The following ADAMTS19 variants were observed in gnomAD, a reference collection of about 807,000 sequenced individuals.
ADAMTS19 encodes the protein A disintegrin and metalloproteinase with thrombospondin motifs 19.
ADAMTS19 carries 93 observed loss-of-function variants against 153.3 expected under a neutral mutation model. That is an observed-to-expected ratio of 0.61 (90% confidence interval 0.51 to 0.72). The LOEUF (loss-of-function observed/expected upper bound fraction) is 0.72. ADAMTS19 is among the 30% of genes least tolerant of loss of function. The pLI is 0.00. For synonymous variants in ADAMTS19, 600 were observed against 556.6 expected (o/e 1.08, Z -1.10); for missense variants, 1,482 against 1,552.1 (o/e 0.95, Z 0.76).
Position 129,461,411 on chromosome 5 carries a change from G to A in ADAMTS19, c.401G>A (p.Gly134Glu). The change falls in exon 2 of 23, where the codon GGG becomes GAG. Residue 134 changes from glycine (G) to glutamate (E), a missense_variant. This residue lies in a region of ADAMTS19 where 866 missense variants were observed against 827.7 expected (regional missense o/e 1.05). Coordinates refer to ENST00000274487, the MANE Select transcript of ADAMTS19 (RefSeq NM_133638.6). This position sits in a 1 kb window ranked among gnomAD's most constrained non-coding sequence, Gnocchi z 4.6. Reference protein sequence around the residue: ...ESQELPRGSSGAAALSPGAPA... With the variant: ...ESQELPRGSSEAAALSPGAPA... ...CAGGAGCTGCCGCGGGGATCCAGCGGGGCTGCCGCCTTGTCCCCGGGCGCC... is the reference window on the plus strand; with the variant it reads ...CAGGAGCTGCCGCGGGGATCCAGCGAGGCTGCCGCCTTGTCCCCGGGCGCC... The A allele has an allele frequency of 7.3e-7, 1 of 1,372,942 alleles. No individual in the cohort carries two copies. Among genetic ancestry groups the A allele is most frequent in the Non-Finnish European group, 9.3e-7 (1 of 1,075,900 alleles). The allele number at this position is 1,372,942 out of a possible 1,614,324, so 85.0% of individuals were successfully genotyped here.
intron 6 of ADAMTS19, among the ~76,000 whole-genome samples, chr5:129,547,836 A>T (rs1292750681): frequency 2.7e-5 from 4 of 150,818 alleles, no homozygotes; most frequent in Non-Finnish European, 5.9e-5. Context: ...CATACAGATC[A>T]ATGGAACAGA....
At chr5:129,632,101 C>A (rs1479491232) in intron 10 of ADAMTS19, among the ~76,000 whole-genome samples, 2 of 152,018 alleles carry the variant, frequency 1.3e-5, no homozygotes, top group East Asian at 3.9e-4. Flanking sequence ...GCCTCTGTTG[C>A]AACTCAAATC....
intron 7 of ADAMTS19, among the ~76,000 whole-genome samples, chr5:129,580,584 C>G (rs754772963): frequency 1.3e-5 from 2 of 152,090 alleles, no homozygotes; most frequent in African/African-American, 4.8e-5. Context: ...ACAAATAGCT[C>G]TTATTAATTT....
chr5:129,697,371 T>C (rs1755608603), intron 19 of ADAMTS19, among the ~76,000 whole-genome samples: 1 of 152,210 alleles, frequency 6.6e-6, no homozygotes, highest in African/African-American at 2.4e-5. Flanking sequence ...CTTAAAATTC[T>C]ATTTTTGGTT....
chr5:129,471,513 C>CTAAATAAATGAA (rs1483568408), intron 2 of ADAMTS19, among the ~76,000 whole-genome samples: 1 of 149,670 alleles, frequency 6.7e-6, no homozygotes, highest in Admixed American at 6.6e-5. Flanking sequence ...GACTCTGTCT[C>CTAAATAAATGAA]TAAATAAATG....
chr5:129,520,762 A>C (rs552748734), intron 3 of ADAMTS19, among the ~76,000 whole-genome samples: 1 of 152,236 alleles, frequency 6.6e-6, no homozygotes, highest in African/African-American at 2.4e-5. Context: ...ATGAGTCTGA[A>C]GTTGTAAAAT....
intron 16 of ADAMTS19, among the ~76,000 whole-genome samples, chr5:129,669,714 T>A (rs1365546979): frequency 6.6e-6 from 1 of 152,104 alleles, no homozygotes; most frequent in Non-Finnish European, 1.5e-5. Context: ...TTTATAGGTA[T>A]ACATTTTCTC....
At chr5:129,653,079 C>T (rs776310605) in intron 13 of ADAMTS19, among the ~76,000 whole-genome samples, 6 of 152,188 alleles carry the variant, frequency 3.9e-5, no homozygotes, top group Non-Finnish European at 7.3e-5. Flanking sequence ...ATGTTCACTT[C>T]TGAAGGTTCA....
chr5:129,601,165 C>A (rs1050186608), intron 8 of ADAMTS19, among the ~76,000 whole-genome samples: 2 of 152,118 alleles, frequency 1.3e-5, no homozygotes, highest in African/African-American at 4.8e-5. Context: ...AGCCACCACG[C>A]CCAGCCAGGA....
chr5:129,468,717 T>C (rs1324492643), intron 2 of ADAMTS19, among the ~76,000 whole-genome samples: 1 of 152,092 alleles, frequency 6.6e-6, no homozygotes, highest in Non-Finnish European at 1.5e-5. Flanking sequence ...AGGTTGAGTG[T>C]CTTTATATTT....
chr5:129,637,300 G>A (rs1464698730), intron 10 of ADAMTS19, among the ~76,000 whole-genome samples: 1 of 152,136 alleles, frequency 6.6e-6, no homozygotes, highest in Non-Finnish European at 1.5e-5. Context: ...ATGTGCCGAA[G>A]TATATTAATT....
chr5:129,584,616 C>A (rs1269607582), intron 7 of ADAMTS19, among the ~76,000 whole-genome samples: 1 of 152,156 alleles, frequency 6.6e-6, no homozygotes, highest in African/African-American at 2.4e-5. Flanking sequence ...ATCTAGAGAG[C>A]CAGTCTGGCT....
intron 10 of ADAMTS19, among the ~76,000 whole-genome samples, chr5:129,624,354 A>G (rs1013928417): frequency 7.9e-5 from 12 of 152,198 alleles, no homozygotes; most frequent in African/African-American, 2.9e-4. Context: ...TTCACCTCTG[A>G]GTCTTTAGAC....
chr5:129,567,613 A>G (rs931241648), intron 7 of ADAMTS19, among the ~76,000 whole-genome samples: 2 of 152,142 alleles, frequency 1.3e-5, no homozygotes, highest in East Asian at 3.9e-4. Flanking sequence ...GAAAAGAGTC[A>G]GTGAACTTTA....
rs150032111 is a variant in ADAMTS19 at position 129,687,146 on chromosome 5, T to C, written c.2818+2873T>C. ...CACATTCACAACAAAAATATAGTTA[T>C]ATTTTTCTCTTTAACATAGCTCAGA... On this transcript the variant is annotated intron_variant, in intron 18 of 22. Transcript: ENST00000274487. Among the ~76,000 whole-genome samples, 525 of 152,270 alleles carry C rather than the reference T, an allele frequency of 3.4e-3. 2 individuals carry two copies. The highest frequency in any genetic ancestry group is 0.012 in the African/African-American group (478 of 41,564).
intron 2 of ADAMTS19, among the ~76,000 whole-genome samples, chr5:129,498,193 A>C (rs553208895): frequency 1.3e-5 from 2 of 152,034 alleles, no homozygotes; most frequent in Non-Finnish European, 2.9e-5. Context: ...ACCATTATTT[A>C]TTGCTTTAAT....
At chr5:129,623,816 T>A (rs1378740878) in intron 10 of ADAMTS19, among the ~76,000 whole-genome samples, 3 of 151,628 alleles carry the variant, frequency 2.0e-5, no homozygotes, top group African/African-American at 7.3e-5. Context: ...CTGCATCAGA[T>A]GTGATGTGTA....
intron 6 of ADAMTS19, among the ~76,000 whole-genome samples, chr5:129,546,603 C>G (rs1752869842): frequency 6.6e-6 from 1 of 150,510 alleles, no homozygotes; most frequent in South Asian, 2.1e-4. Flanking sequence ...TGTTGAGAGT[C>G]AATAAAGTTG....
In ADAMTS19 at chr5:129,527,831, A is replaced by G; in HGVS notation, c.1170A>G (p.Pro390=). The G allele has an allele frequency of 1.3e-6, 2 of 1,570,910 alleles. No homozygotes were observed. The highest frequency in any genetic ancestry group is 1.7e-6 in the Non-Finnish European group (2 of 1,148,604). ...AGCTTATTCTGCTCCATGAAACTCCAGTAAGAAAGTCTTGAGTTTTTTATT... is the reference window on the plus strand; with the variant it reads ...AGCTTATTCTGCTCCATGAAACTCCGGTAAGAAAGTCTTGAGTTTTTTATT... ...VIKLILLHET[P]PELYIGHHGE... is the part of the protein sequence containing the mutation. The change falls in exon 5 of 23, where the codon CCA becomes CCG. Residue 390 remains proline (P), a splice_region_variant and synonymous_variant. Transcript: ENST00000274487.
Sources: allele counts gnomAD v4.1 joint callset (sites outside exome capture counted in the v4.1 genomes callset), GRCh38; gene constraint gnomAD v4.1.1; regional missense constraint gnomAD v4.1.1; non-coding constraint Gnocchi (gnomAD v3.1); transcripts MANE v1.5; gene names NCBI Gene and HGNC (gene_info 2026-07-23, HGNC 2026-07-21).